Variants in APBB1IP observed in about 807,000 individuals in gnomAD.
APBB1IP encodes amyloid beta precursor protein binding family B member 1 interacting protein, also known as amyloid beta A4 precursor protein-binding family B member 1-interacting protein.
In APBB1IP, 27 loss-of-function variants were observed where a neutral mutation model predicts 64.9. The ratio of observed to expected loss-of-function variants is 0.42; its 90% CI spans 0.31 to 0.57. The LOEUF is 0.57. Among genes scored for constraint, APBB1IP ranks in the 20% least tolerant of loss-of-function variants. APBB1IP has a pLI of 0.20. For synonymous variants in APBB1IP, 392 were observed against 331.0 expected (o/e 1.18, Z -2.00); for missense variants, 812 against 845.5 (o/e 0.96, Z 0.49).
intron 9 of APBB1IP, among the ~76,000 whole-genome samples, chr10:26,535,388 A>G (rs1836607731): frequency 6.6e-6 from 1 of 152,122 alleles, no homozygotes; most frequent in Non-Finnish European, 1.5e-5. Flanking sequence ...TGGGCATGCA[A>G]TGTGACCTAG....
At chr10:26,450,119 G>A (rs1835448806) in intron 2 of APBB1IP, among the ~76,000 whole-genome samples, 1 of 152,186 alleles carries the variant, frequency 6.6e-6, no homozygotes, top group South Asian at 2.1e-4. Context: ...AGGGCAAAGG[G>A]GGTTGTGTTA....
chr10:26,515,802 T>A (rs1836319598), intron 8 of APBB1IP, among the ~76,000 whole-genome samples: 1 of 152,132 alleles, frequency 6.6e-6, no homozygotes, highest in South Asian at 2.1e-4. Context: ...ATTACCTCCA[T>A]ATCCCATTAG....
At chr10:26,510,006 A>AC (rs1209019741) in intron 6 of APBB1IP, among the ~76,000 whole-genome samples, 1 of 151,570 alleles carries the variant, frequency 6.6e-6, no homozygotes, top group Non-Finnish European at 1.5e-5. Flanking sequence ...GTCTCGCTCC[A>AC]CCCCCCATGC....
At chr10:26,459,388 G>A (rs947978395) in intron 2 of APBB1IP, among the ~76,000 whole-genome samples, 35 of 152,032 alleles carry the variant, frequency 2.3e-4, no homozygotes, top group East Asian at 1.2e-3. Flanking sequence ...GAATAGTGCC[G>A]CAATAAACAT....
At chr10:26,492,258 G>A (rs1209675217) in intron 2 of APBB1IP, 69 bp from the exon 3 acceptor site, 26 of 1,389,626 alleles carry the variant, frequency 1.9e-5, no homozygotes, top group Non-Finnish European at 2.5e-5. Flanking sequence ...GGAAAGAGAG[G>A]GATGCAAAGA....
intron 10 of APBB1IP, among the ~76,000 whole-genome samples, chr10:26,540,075 A>G (rs956188498): frequency 1.3e-5 from 2 of 152,254 alleles, no homozygotes; most frequent in African/African-American, 4.8e-5. Context: ...TGGCAACTCC[A>G]TGCTTGACGA....
At chr10:26,513,362 A>G (rs543730820) in intron 7 of APBB1IP, among the ~76,000 whole-genome samples, 177 bp from the exon 8 acceptor site, 5 of 152,354 alleles carry the variant, frequency 3.3e-5, no homozygotes, top group Admixed American at 2.6e-4. Context: ...GATAACTTGA[A>G]GACAATGAAA....
chr10:26,519,052 A>G (rs1322632750), intron 8 of APBB1IP, among the ~76,000 whole-genome samples: 1 of 151,308 alleles, frequency 6.6e-6, no homozygotes, highest in Non-Finnish European at 1.5e-5. Context: ...AGGCGGGTGG[A>G]TCACCTAAGA....
intron 5 of APBB1IP, among the ~76,000 whole-genome samples, chr10:26,502,197 A>G (rs1588590116): frequency 6.6e-6 from 1 of 152,248 alleles, no homozygotes; most frequent in Admixed American, 6.5e-5. Context: ...TGTAACCAGA[A>G]CAGCTCATTT....
At chr10:26,532,840 C>G (rs1836571519) in intron 8 of APBB1IP, among the ~76,000 whole-genome samples, 3 of 152,138 alleles carry the variant, frequency 2.0e-5, no homozygotes, top group Admixed American at 2.0e-4. Flanking sequence ...GGTTTTCTTT[C>G]CAGAAATGCC....
chr10:26,561,532 G>A (rs1351683244), intron 13 of APBB1IP, among the ~76,000 whole-genome samples: 2 of 150,782 alleles, frequency 1.3e-5, no homozygotes, highest in African/African-American at 2.4e-5. Context: ...TGTTTACAGT[G>A]AGCTAGTAGG....
chr10:26,520,004 C>T (rs528339690), intron 8 of APBB1IP, among the ~76,000 whole-genome samples: 1 of 152,280 alleles, frequency 6.6e-6, no homozygotes, highest in African/African-American at 2.4e-5. Flanking sequence ...TTGTTTAAAG[C>T]TGGGCACAGT....
chr10:26,489,784 G>C (rs1835933538), intron 2 of APBB1IP, among the ~76,000 whole-genome samples: 1 of 152,180 alleles, frequency 6.6e-6, no homozygotes, highest in African/African-American at 2.4e-5. Context: ...CAACACTTTG[G>C]GAGGCCCAGG....
At chr10:26,546,136 T>A (rs1334866033) in intron 11 of APBB1IP, among the ~76,000 whole-genome samples, 2 of 152,214 alleles carry the variant, frequency 1.3e-5, no homozygotes, top group Non-Finnish European at 2.9e-5. Flanking sequence ...TCACTGCACA[T>A]CTTCAAGAGA....
At chr10:26,513,708 T>C (rs1016374398) in intron 8 of APBB1IP, 48 bp downstream of exon 8, 1 of 1,544,260 alleles carries the variant, frequency 6.5e-7, no homozygotes, top group African/African-American at 1.4e-5. Flanking sequence ...CAAAGGATTT[T>C]TTTTTTTTTT....
chr10:26,499,217 G>A (rs537594419), intron 4 of APBB1IP, among the ~76,000 whole-genome samples: 61 of 152,004 alleles, frequency 4.0e-4, no homozygotes, highest in Non-Finnish European at 7.1e-4. Flanking sequence ...AGTGAGCTAT[G>A]ATCCTACCAC....
At chr10:26,481,818 T>C (rs1220320091) in intron 2 of APBB1IP, among the ~76,000 whole-genome samples, 5 of 140,716 alleles carry the variant, frequency 3.6e-5, no homozygotes, top group Non-Finnish European at 3.1e-5. Context: ...TGGTAGCCCA[T>C]CTCATTACGT....
At chr10:26,561,388 C>CT (rs34667769) in intron 13 of APBB1IP, among the ~76,000 whole-genome samples, 21,696 of 122,442 alleles carry the variant, frequency 0.18, 2,121 homozygotes, top group South Asian at 0.26. Context: ...TTCTTCTTTG[C>CT]TTTTTTTTTT....
intron 2 of APBB1IP, among the ~76,000 whole-genome samples, chr10:26,482,266 G>T (rs1164658242): frequency 2.6e-5 from 4 of 152,162 alleles, no homozygotes; most frequent in Non-Finnish European, 5.9e-5. Flanking sequence ...TGAATTATTT[G>T]ATATAATCCG....
Sources: gnomAD v4.1 joint callset for allele counts (sites outside exome capture counted in the v4.1 genomes callset) on GRCh38, gnomAD v4.1.1 for gene constraint, MANE v1.5 for transcripts, NCBI Gene and HGNC (gene_info 2026-07-23, HGNC 2026-07-21) for gene names.